Variants in PIP5K1A observed in about 807,000 individuals in gnomAD.
PIP5K1A encodes phosphatidylinositol-4-phosphate 5-kinase type 1 alpha.
PIP5K1A carries 46 observed loss-of-function variants against 72.9 expected under a neutral mutation model. The ratio of observed to expected loss-of-function variants is 0.63; its 90% CI spans 0.50 to 0.81. The LOEUF (loss-of-function observed/expected upper bound fraction) is 0.81, where lower values mean the gene tolerates loss of function less well. Among genes scored for constraint, PIP5K1A ranks in the 30% least tolerant of loss-of-function variants. The probability of loss-of-function intolerance (pLI) is 0.00; values close to 1 mark genes in which losing one functional copy is unlikely to be tolerated. For synonymous variants in PIP5K1A, 228 were observed against 255.1 expected (o/e 0.89, Z 1.01); for missense variants, 458 against 706.1 (o/e 0.65, Z 3.98).
chr1:151,227,253 G>T, intron 3 of PIP5K1A, 67 bp from the exon 4 acceptor site: 1 of 897,088 alleles, frequency 1.1e-6, no homozygotes. Context: ...TTGTTTTGAT[G>T]TACCATTGTG....
chr1:151,236,894 C>A, intron 9 of PIP5K1A, 131 bp downstream of exon 9: 1 of 639,186 alleles, frequency 1.6e-6, no homozygotes, highest in Non-Finnish European at 2.6e-6. Context: ...ATGGCACGAT[C>A]TCAGCCTACT....
intron 9 of PIP5K1A, 58 bp downstream of exon 9, chr1:151,236,821 C>CTTTTTTTTTTTTTT (rs369523470): frequency 7.6e-5 from 38 of 498,856 alleles, no homozygotes; most frequent in African/African-American, 2.5e-4. Context: ...CTTTTCTTTT[C>CTTTTTTTTTTTTTT]TTTTTTTTTT....
rs949088059 is a variant in PIP5K1A, at chr1:151,249,034, G to A, written c.*1169G>A. 1.3e-5 allele frequency: 2 copies of A among 152,132 alleles called. No individual in the cohort carries two copies. The highest frequency in any genetic ancestry group is 3.2e-3 in the Middle Eastern group (1 of 316). The allele number at this position is 152,132 out of a possible 1,614,324, so 9.4% of individuals were successfully genotyped here. ...CTTCATGCAGGGAAGTTGGAAATGG[G>A]GGCTACATATGCCCTCTCCTCCCCG... is the stretch of plus-strand genomic sequence containing the variant. On this transcript the variant is annotated 3_prime_UTR_variant, in exon 16 of 16. Coordinates refer to ENST00000368888, the MANE Select transcript of PIP5K1A (RefSeq NM_001135638.2).
intron 1 of PIP5K1A, among the ~76,000 whole-genome samples, chr1:151,209,864 G>C (rs775006234): frequency 6.6e-6 from 1 of 151,832 alleles, no homozygotes; most frequent in African/African-American, 2.4e-5. Context: ...GAGTCACCAC[G>C]ACTAGCCTGC....
chr1:151,218,244 C>T (rs1395609581), intron 1 of PIP5K1A, among the ~76,000 whole-genome samples: 1 of 152,130 alleles, frequency 6.6e-6, no homozygotes, highest in Non-Finnish European at 1.5e-5. Context: ...CAAAGGTAAT[C>T]TCCCTAAAAG....
At position 151,248,037 on chromosome 1, in the gene PIP5K1A, C is replaced by T; in HGVS notation, c.*172C>T. 1.5e-6 allele frequency: 1 copy of T among 648,454 alleles called. No individual in the cohort carries two copies. Among genetic ancestry groups the T allele is most frequent in the Admixed American group, 2.4e-5 (1 of 41,198 alleles). The allele number at this position is 648,454 out of a possible 1,614,324, so 40.2% of individuals were successfully genotyped here. A position where few individuals can be genotyped will look rare whatever the true frequency, so the allele number is the denominator to read the frequency against. On this transcript the variant is annotated 3_prime_UTR_variant, in exon 16 of 16. Coordinates refer to ENST00000368888, the MANE Select transcript of PIP5K1A (RefSeq NM_001135638.2). Reference sequence around the variant, plus strand: ...TTCTTCCTGAAGAAGAACCTTCTCTCCTTCCTCTTCCTCATGAATGGGCCT... The same window carrying T: ...TTCTTCCTGAAGAAGAACCTTCTCTTCTTCCTCTTCCTCATGAATGGGCCT...
intron 14 of PIP5K1A, among the ~76,000 whole-genome samples, chr1:151,246,333 AT>A (rs984032898): frequency 2.6e-5 from 4 of 152,110 alleles, no homozygotes; most frequent in African/African-American, 9.7e-5. Context: ...CAGTCAAGCT[AT>A]TAGTCCAAAA....
intron 1 of PIP5K1A, among the ~76,000 whole-genome samples, chr1:151,218,831 C>CAAA (rs5777767): frequency 3.8e-4 from 27 of 70,500 alleles, no homozygotes; most frequent in Middle Eastern, 7.4e-3. Context: ...GACTCTGTCT[C>CAAA]AAAAAAAAAA....
chr1:151,224,144 T>C (rs943276892), intron 1 of PIP5K1A, 101 bp from the exon 2 acceptor site: 7 of 1,037,500 alleles, frequency 6.7e-6, no homozygotes, highest in Admixed American at 1.7e-5. Context: ...CAGGAGTTTA[T>C]ACTTATGTTT....
At chr1:151,234,638 C>T in intron 8 of PIP5K1A, 142 bp downstream of exon 8, 1 of 651,712 alleles carries the variant, frequency 1.5e-6, no homozygotes. Context: ...TTAATTAGTT[C>T]ATTGCCATTC....
chr1:151,238,442 C>T (rs368024283), intron 10 of PIP5K1A, 177 bp downstream of exon 10: 31 of 579,206 alleles, frequency 5.4e-5, no homozygotes, highest in African/African-American at 1.5e-4. Context: ...CCTCTTTCCC[C>T]GGCCTTTATA....
intron 4 of PIP5K1A, among the ~76,000 whole-genome samples, chr1:151,229,465 G>A (rs1382701864): frequency 3.3e-5 from 5 of 150,772 alleles, no homozygotes; most frequent in Non-Finnish European, 7.4e-5. Flanking sequence ...GGGTTCAAGC[G>A]ATTCTCCTGC....
At chr1:151,224,085 GAC>G (rs1688773561) in intron 1 of PIP5K1A, 158 bp from the exon 2 acceptor site, 3 of 687,494 alleles carry the variant, frequency 4.4e-6, no homozygotes, top group Non-Finnish European at 7.9e-6. Context: ...AGGAGAGAGG[GAC>G]ATACACAGTT....
chr1:151,236,767 A>C lies in PIP5K1A; in HGVS notation c.1145+4A>C, dbSNP rs1156629340. 3.7e-6 allele frequency: 6 copies of C among 1,606,316 alleles called. No individual in the cohort carries two copies. In the African/African-American group the frequency reaches 8.1e-5, roughly 22 times the overall value. On this transcript the variant is annotated splice_donor_region_variant and intron_variant, in intron 9 of 15. Coordinates refer to ENST00000368888, the MANE Select transcript of PIP5K1A (RefSeq NM_001135638.2). ...GTACCATGGAGACTGATGACCAGTAAGTGGGCTCAGGGCCACTAGGGGGGA... is the reference window on the plus strand; with the variant it reads ...GTACCATGGAGACTGATGACCAGTACGTGGGCTCAGGGCCACTAGGGGGGA...
chr1:151,241,537 A>G (rs1691707725), intron 12 of PIP5K1A, among the ~76,000 whole-genome samples: 1 of 151,992 alleles, frequency 6.6e-6, no homozygotes, highest in Non-Finnish European at 1.5e-5. Flanking sequence ...GCAGTGGCTC[A>G]TACGTATAAT....
intron 8 of PIP5K1A, among the ~76,000 whole-genome samples, chr1:151,235,344 A>C (rs895326508): frequency 1.3e-5 from 2 of 152,052 alleles, no homozygotes; most frequent in Admixed American, 6.5e-5. Flanking sequence ...TGGCCTCCCA[A>C]AGTGCTAGGA....
At position 151,241,425 on chromosome 1, in the gene PIP5K1A, A is replaced by AGCATGGTGGTGGGCT. The variant is rs587616496; in HGVS notation, c.1364-698_1364-697insGCATGGTGGTGGGCT. 4.4e-3 allele frequency among the ~76,000 whole-genome samples: 666 copies of AGCATGGTGGTGGGCT among 151,794 alleles called. 6 individuals are homozygous for AGCATGGTGGTGGGCT. Among genetic ancestry groups the AGCATGGTGGTGGGCT allele is most frequent in the Middle Eastern group, 0.014 (4 of 294 alleles). On this transcript the variant is annotated intron_variant, in intron 12 of 15. Transcript: ENST00000368888. ...AGGCTGAGGCAGGAGAATGGCATGA[A>AGCATGGTGGTGGGCT]CCCGGGAGGCGGAGCTTGCAGTGAG... is the stretch of plus-strand genomic sequence containing the variant.
intron 1 of PIP5K1A, among the ~76,000 whole-genome samples, chr1:151,207,161 C>T (rs1311509883): frequency 2.0e-5 from 3 of 152,142 alleles, no homozygotes; most frequent in East Asian, 3.9e-4. Flanking sequence ...TGAGCCACCG[C>T]GCCTGGTCTG....
At chr1:151,226,302 G>A (rs1315305471) in intron 3 of PIP5K1A, among the ~76,000 whole-genome samples, 2 of 151,750 alleles carry the variant, frequency 1.3e-5, no homozygotes, top group East Asian at 3.9e-4. Flanking sequence ...GGCCAGGCTG[G>A]TCTTGAACTC....
Sources: gnomAD v4.1 joint callset for allele counts (sites outside exome capture counted in the v4.1 genomes callset) on GRCh38, gnomAD v4.1.1 for gene constraint, MANE v1.5 for transcripts, NCBI Gene and HGNC (gene_info 2026-07-23, HGNC 2026-07-21) for gene names.